Variants in OR56A3 observed in about 807,000 individuals in gnomAD.
OR56A3 encodes olfactory receptor 56A3.
A neutral mutation model predicts 17.5 loss-of-function variants in OR56A3; 23 were observed. That is an observed-to-expected ratio of 1.32 (90% CI 0.95 to 1.87). The LOEUF is 1.87. OR56A3 is among the 40% of genes most tolerant of loss of function. The probability of loss-of-function intolerance (pLI) is 0.00; values close to 1 mark genes in which losing one functional copy is unlikely to be tolerated. For synonymous variants in OR56A3, 175 were observed against 150.6 expected (o/e 1.16, Z -1.19); for missense variants, 366 against 380.1 (o/e 0.96, Z 0.31).
At chr11:5,985,549 G>A in the OR56A3 span, among the ~76,000 whole-genome samples, 3 of 152,180 alleles carry the variant, frequency 2.0e-5, no homozygotes, top group Admixed American at 6.5e-5. Context: ...TAGAGGTTTT[G>A]AAGAAACTCT....
At chr11:6,007,042 T>A in the OR56A3 span, 1 of 152,162 alleles carries the variant, frequency 6.6e-6, no homozygotes, top group Admixed American at 6.5e-5. Flanking sequence ...GTTAGTGCCA[T>A]TATTAGGCAC....
At chr11:5,981,234 T>C in the OR56A3 span, among the ~76,000 whole-genome samples, 39,728 of 152,124 alleles carry the variant, frequency 0.26, 5,242 homozygotes, top group Admixed American at 0.27. Flanking sequence ...GAAAATTTCA[T>C]GGAGAATATC....
At chr11:5,995,032 C>G in the OR56A3 span, 16 of 641,408 alleles carry the variant, frequency 2.5e-5, no homozygotes, top group South Asian at 2.3e-4. Context: ...GATCCGGGAA[C>G]CTGAGGCCCC....
the OR56A3 span, among the ~76,000 whole-genome samples, chr11:5,991,905 C>A: frequency 6.6e-6 from 1 of 152,160 alleles, no homozygotes; most frequent in Admixed American, 6.5e-5. Flanking sequence ...TAAGTTAGCC[C>A]CCAGATTGGC....
At chr11:5,954,230 A>G (rs1847922111), downstream of OR56A3, among the ~76,000 whole-genome samples, 2 of 152,206 alleles carry the variant, frequency 1.3e-5, no homozygotes, top group Non-Finnish European at 2.9e-5. Flanking sequence ...TTGGTCTTCA[A>G]GTCACCCTAT....
chr11:5,950,079 A>G lies in OR56A3; in HGVS notation c.*1785A>G, dbSNP rs917481959. The G allele has an allele frequency of 1.1e-4, 16 of 152,216 alleles. No homozygotes were observed. Among genetic ancestry groups the G allele is most frequent in the Non-Finnish European group, 2.4e-4 (16 of 68,018 alleles). The allele number at this position is 152,216 out of a possible 1,614,324, so 9.4% of individuals were successfully genotyped here. ...GGAAGAATCTTACAATTATAAAGAT[A>G]TAACATGCTTGTAAGGTAAATTTAA... On this transcript the variant is annotated 3_prime_UTR_variant, in exon 3 of 3. Transcript: ENST00000641160.
chr11:6,010,855 G>C, the OR56A3 span, among the ~76,000 whole-genome samples: 1 of 151,210 alleles, frequency 6.6e-6, no homozygotes, highest in Non-Finnish European at 1.5e-5. Flanking sequence ...GTGTGTGCAC[G>C]TGAATGTGTG....
the OR56A3 span, among the ~76,000 whole-genome samples, chr11:5,999,260 G>A: frequency 5.3e-5 from 8 of 152,232 alleles, no homozygotes; most frequent in African/African-American, 1.2e-4. Flanking sequence ...AGGTAAATAA[G>A]GTGTGCAATA....
At chr11:5,983,885 T>C in the OR56A3 span, among the ~76,000 whole-genome samples, 3 of 151,542 alleles carry the variant, frequency 2.0e-5, no homozygotes, top group Non-Finnish European at 4.4e-5. Flanking sequence ...TCTTTTTTTG[T>C]ATTTAAATAC....
chr11:5,967,920 C>A, the OR56A3 span: 1 of 1,594,758 alleles, frequency 6.3e-7, no homozygotes, highest in South Asian at 1.1e-5. Flanking sequence ...GATGTCATCA[C>A]AAGAGAGTTT....
At chr11:6,002,347 G>A in the OR56A3 span, 1 of 1,614,104 alleles carries the variant, frequency 6.2e-7, no homozygotes, top group Non-Finnish European at 8.5e-7. Flanking sequence ...ATAACAATAA[G>A]GATAAGATCA....
chr11:5,955,946 C>A (rs1184602154), downstream of OR56A3, among the ~76,000 whole-genome samples: 2 of 152,140 alleles, frequency 1.3e-5, no homozygotes, highest in Admixed American at 1.3e-4. Context: ...GCAGCGTTTA[C>A]CCCAAAATAA....
chr11:5,968,062 C>T, the OR56A3 span: 24 of 1,610,464 alleles, frequency 1.5e-5, no homozygotes, highest in East Asian at 8.9e-5. Flanking sequence ...GCAGCCCTAG[C>T]GACAAATTGA....
At chr11:6,013,527 G>T in the OR56A3 span, among the ~76,000 whole-genome samples, 2 of 152,152 alleles carry the variant, frequency 1.3e-5, no homozygotes, top group Non-Finnish European at 2.9e-5. Context: ...TTCCTGAGGT[G>T]CAGGAACCCA....
the OR56A3 span, among the ~76,000 whole-genome samples, chr11:5,996,889 A>G: frequency 2.0e-5 from 3 of 152,176 alleles, no homozygotes; most frequent in African/African-American, 7.2e-5. Context: ...TGAGCAATGG[A>G]AAAGGTTTTC....
intron 2 of OR56A3, among the ~76,000 whole-genome samples, chr11:5,947,060 T>C (rs1182738988): frequency 6.6e-6 from 1 of 151,744 alleles, no homozygotes; most frequent in Non-Finnish European, 1.5e-5. Context: ...TTAGTTTCTC[T>C]AAAAAAAACA....
chr11:5,987,967 A>G, the OR56A3 span, among the ~76,000 whole-genome samples: 268 of 152,336 alleles, frequency 1.8e-3, 1 homozygote, highest in Middle Eastern at 0.014. Flanking sequence ...TGCATGGAAT[A>G]AAATCATACT....
chr11:6,007,862 G>A, the OR56A3 span, among the ~76,000 whole-genome samples: 1 of 152,162 alleles, frequency 6.6e-6, no homozygotes, highest in African/African-American at 2.4e-5. Context: ...TCATGCAGTG[G>A]GAGTATCAGT....
chr11:6,013,836 G>A, the OR56A3 span, among the ~76,000 whole-genome samples: 1 of 152,130 alleles, frequency 6.6e-6, no homozygotes, highest in African/African-American at 2.4e-5. Context: ...CTACCTGGGG[G>A]CCTGAGGACT....
Sources: gnomAD v4.1 joint callset for allele counts (sites outside exome capture counted in the v4.1 genomes callset) on GRCh38, gnomAD v4.1.1 for gene constraint, MANE v1.5 for transcripts, NCBI Gene and HGNC (gene_info 2026-07-23, HGNC 2026-07-21) for gene names.